ST18: variants seen among roughly 807,000 people sequenced by gnomAD.
ST18 encodes suppression of tumorigenicity 18 protein.
Under a neutral mutation model 110.0 loss-of-function variants are expected in ST18, and 50 were observed. The observed-to-expected ratio is 0.45, with a 90% CI of 0.36 to 0.58. The LOEUF (loss-of-function observed/expected upper bound fraction) is 0.58. ST18 is among the 20% of genes least tolerant of loss of function. ST18 has a pLI of 0.00. For synonymous variants in ST18, 461 were observed against 452.4 expected (o/e 1.02, Z -0.24); for missense variants, 1,306 against 1,280.1 (o/e 1.02, Z -0.31).
intron 2 of ST18, among the ~76,000 whole-genome samples, chr8:52,358,779 A>T (rs1420805310): frequency 6.6e-6 from 1 of 151,982 alleles, no homozygotes; most frequent in Non-Finnish European, 1.5e-5. Flanking sequence ...ATTCTACCAA[A>T]CATTTAAAGA....
At chr8:52,385,229 C>T (rs1836128137) in intron 2 of ST18, among the ~76,000 whole-genome samples, 1 of 152,162 alleles carries the variant, frequency 6.6e-6, no homozygotes, top group Non-Finnish European at 1.5e-5. Flanking sequence ...CTTGTCATGG[C>T]TAAGACATGC....
intron 9 of ST18, among the ~76,000 whole-genome samples, chr8:52,177,748 C>T (rs1013556369): frequency 3.9e-5 from 6 of 152,166 alleles, no homozygotes; most frequent in African/African-American, 1.4e-4. Flanking sequence ...GCTTGTCCTT[C>T]CAATTGTTTC....
chr8:52,398,684 G>C (rs1036672400), intron 2 of ST18, among the ~76,000 whole-genome samples: 4 of 152,122 alleles, frequency 2.6e-5, no homozygotes, highest in African/African-American at 9.6e-5. Flanking sequence ...ACACAGAATT[G>C]AGATGTTAAT....
At chr8:52,118,281 TG>T in intron 24 of ST18, 56 bp downstream of exon 24, 1 of 1,197,270 alleles carries the variant, frequency 8.4e-7, no homozygotes. Context: ...TTCAATGTTT[TG>T]TTTCCACCAA....
chr8:52,263,221 G>A (rs1445593731), intron 2 of ST18, among the ~76,000 whole-genome samples: 2 of 152,170 alleles, frequency 1.3e-5, no homozygotes, highest in Non-Finnish European at 2.9e-5. Flanking sequence ...GTACAGAGAG[G>A]GTGTGGTTGC....
chr8:52,261,567 T>C (rs1443333071), intron 2 of ST18, among the ~76,000 whole-genome samples: 1 of 152,226 alleles, frequency 6.6e-6, no homozygotes, highest in Non-Finnish European at 1.5e-5. Context: ...TTCTATTGAG[T>C]CACTGACTAG....
At chr8:52,172,659 A>T in intron 9 of ST18, 76 bp from the exon 10 acceptor site, 2 of 1,148,618 alleles carry the variant, frequency 1.7e-6, no homozygotes, top group Non-Finnish European at 2.4e-6. Context: ...AGTTATATGT[A>T]TATAAACATA....
chr8:52,200,140 A>G (rs930699394), intron 8 of ST18, among the ~76,000 whole-genome samples: 1 of 152,160 alleles, frequency 6.6e-6, no homozygotes, highest in South Asian at 2.1e-4. Flanking sequence ...TGTGGATATT[A>G]TCAATGAGTT....
intron 2 of ST18, among the ~76,000 whole-genome samples, chr8:52,322,029 A>T (rs551607586): frequency 1.3e-5 from 2 of 152,202 alleles, no homozygotes; most frequent in Non-Finnish European, 2.9e-5. Context: ...CCATATGGTG[A>T]CTGTGGGAGC....
intron 16 of ST18, among the ~76,000 whole-genome samples, chr8:52,146,727 C>T (rs548884487): frequency 6.6e-6 from 1 of 152,284 alleles, no homozygotes; most frequent in African/African-American, 2.4e-5. Flanking sequence ...GCCTACCAAA[C>T]ATTACATTTT....
intron 2 of ST18, among the ~76,000 whole-genome samples, chr8:52,249,086 A>T (rs2094085158): frequency 6.6e-6 from 1 of 152,150 alleles, no homozygotes. Flanking sequence ...CAAAAGCACC[A>T]TTTCTCCAAC....
chr8:52,328,128 G>A (rs1807348432), intron 2 of ST18, among the ~76,000 whole-genome samples: 2 of 152,200 alleles, frequency 1.3e-5, no homozygotes, highest in African/African-American at 2.4e-5. Flanking sequence ...CTATCTCTGA[G>A]TATTCATCCT....
At chr8:52,259,342 G>C (rs975291714) in intron 2 of ST18, among the ~76,000 whole-genome samples, 2 of 152,156 alleles carry the variant, frequency 1.3e-5, no homozygotes, top group African/African-American at 4.8e-5. Context: ...AATTCCATCT[G>C]TTGCCTGGGA....
At chr8:52,212,592 A>G (rs577250761) in intron 7 of ST18, among the ~76,000 whole-genome samples, 17 of 152,318 alleles carry the variant, frequency 1.1e-4, no homozygotes, top group African/African-American at 4.1e-4. Context: ...CAGCCATGTT[A>G]ATATCACCAA....
intron 3 of ST18, among the ~76,000 whole-genome samples, chr8:52,225,756 A>G (rs1201613434): frequency 1.3e-5 from 2 of 152,260 alleles, no homozygotes; most frequent in Admixed American, 1.3e-4. Context: ...ACAGGAATAG[A>G]TGGCACAATG....
intron 2 of ST18, among the ~76,000 whole-genome samples, chr8:52,336,935 T>C (rs914556638): frequency 9.2e-5 from 14 of 152,210 alleles, no homozygotes; most frequent in Admixed American, 4.6e-4. Context: ...CCTTAGTCAT[T>C]CATAAAATAT....
chr8:52,354,346 G>C (rs766646827), intron 2 of ST18, among the ~76,000 whole-genome samples: 2 of 152,194 alleles, frequency 1.3e-5, no homozygotes, highest in African/African-American at 4.8e-5. Context: ...GTAAAGTCAG[G>C]GGGAGTCTTG....
chr8:52,313,820 G>T (rs1220569641), intron 2 of ST18, among the ~76,000 whole-genome samples: 1 of 152,192 alleles, frequency 6.6e-6, no homozygotes, highest in African/African-American at 2.4e-5. Flanking sequence ...GGGAGCTGTG[G>T]TTCCTCCCAC....
intron 2 of ST18, among the ~76,000 whole-genome samples, chr8:52,260,122 G>A (rs2094640613): frequency 6.6e-6 from 1 of 152,098 alleles, no homozygotes; most frequent in Non-Finnish European, 1.5e-5. Context: ...AATGAACATG[G>A]ACATAATCTA....
Sources: gnomAD v4.1 joint callset for allele counts (sites outside exome capture counted in the v4.1 genomes callset) on GRCh38, gnomAD v4.1.1 for gene constraint, MANE v1.5 for transcripts, NCBI Gene and HGNC (gene_info 2026-07-23, HGNC 2026-07-21) for gene names.